The following GPR158 variants were observed in gnomAD, a reference collection of about 807,000 sequenced individuals.
GPR158 encodes metabotropic glycine receptor.
In GPR158, 30 loss-of-function variants were observed where a neutral mutation model predicts 78.2. The ratio of observed to expected loss-of-function variants is 0.38; its 90% confidence interval spans 0.29 to 0.52. The LOEUF (loss-of-function observed/expected upper bound fraction) is 0.52. GPR158 is among the 20% of genes least tolerant of loss of function. GPR158 has a pLI of 0.83. For synonymous variants in GPR158, 581 were observed against 591.1 expected (o/e 0.98, Z 0.25); for missense variants, 1,463 against 1,523.5 (o/e 0.96, Z 0.66).
intron 2 of GPR158, among the ~76,000 whole-genome samples, chr10:25,319,924 A>AGAT (rs1269084910): frequency 1.5e-4 from 22 of 150,750 alleles, no homozygotes; most frequent in Admixed American, 1.0e-3. Context: ...ATTGTGATGG[A>AGAT]GATAGCAAAA....
chr10:25,292,896 A>G (rs1376674883), intron 2 of GPR158, among the ~76,000 whole-genome samples: 1 of 152,212 alleles, frequency 6.6e-6, no homozygotes, highest in East Asian at 1.9e-4. Flanking sequence ...AAGAAAGCAA[A>G]CAATGCTGGA....
chr10:25,379,232 T>C (rs1834123577), intron 2 of GPR158, among the ~76,000 whole-genome samples: 1 of 152,228 alleles, frequency 6.6e-6, no homozygotes, highest in African/African-American at 2.4e-5. Context: ...CATTCCCTCC[T>C]GTATCTTTGG....
chr10:25,596,636 G>A lies in GPR158; in HGVS notation c.1999-7G>A. On this transcript the variant is annotated splice_polypyrimidine_tract_variant and splice_region_variant and intron_variant, in intron 9 of 10. Transcript: ENST00000376351. ...AATGTCTACTGCTCATACTGAATTT[G>A]TTTCAGTTTTCACATTCAAGCAATA... 3 of 1,609,230 alleles carry A rather than the reference G, an allele frequency of 1.9e-6. No homozygotes were observed. The highest frequency in any genetic ancestry group is 8.5e-7 in the Non-Finnish European group (1 of 1,176,692).
In GPR158 at chr10:25,549,826, A is replaced by G. The variant is rs540102433; in HGVS notation, c.1405-1150A>G. On this transcript the variant is annotated intron_variant, in intron 5 of 10. Coordinates refer to ENST00000376351, the MANE Select transcript of GPR158 (RefSeq NM_020752.3). Reference sequence around the variant, plus strand: ...CTATATTTGTAAAATATCAGCAAGAAAATGTCAGTACCTACCCCATGGCCC... The same window carrying G: ...CTATATTTGTAAAATATCAGCAAGAGAATGTCAGTACCTACCCCATGGCCC... Among the ~76,000 whole-genome samples the G allele has an allele frequency of 2.0e-4, 30 of 152,288 alleles. 2 individuals carry two copies. In the South Asian group the frequency reaches 6.0e-3, roughly 31 times the overall value.
At chr10:25,283,232 T>C (rs938529025) in intron 2 of GPR158, among the ~76,000 whole-genome samples, 3 of 152,048 alleles carry the variant, frequency 2.0e-5, no homozygotes, top group East Asian at 3.8e-4. Flanking sequence ...GAATAGTTTG[T>C]GCCTTTCAAG....
At chr10:25,521,302 G>A (rs1380685001) in intron 5 of GPR158, among the ~76,000 whole-genome samples, 2 of 152,182 alleles carry the variant, frequency 1.3e-5, no homozygotes, top group African/African-American at 4.8e-5. Context: ...ACCTCAGATG[G>A]AAATGCAGAA....
chr10:25,198,165 G>A (rs1289491893), intron 1 of GPR158, among the ~76,000 whole-genome samples: 1 of 152,160 alleles, frequency 6.6e-6, no homozygotes, highest in Non-Finnish European at 1.5e-5. Context: ...GTGGGTAGAG[G>A]ATAGATATTC....
intron 2 of GPR158, among the ~76,000 whole-genome samples, chr10:25,329,140 C>G (rs1855081475): frequency 6.6e-6 from 1 of 151,762 alleles, no homozygotes; most frequent in South Asian, 2.1e-4. Context: ...AATATGCATA[C>G]TAAGATGCAT....
chr10:25,495,238 G>C (rs1835863977), intron 5 of GPR158, among the ~76,000 whole-genome samples: 1 of 148,814 alleles, frequency 6.7e-6, no homozygotes, highest in Non-Finnish European at 1.5e-5. Flanking sequence ...AAAAATTCGT[G>C]GATAACTCCA....
chr10:25,520,730 T>C (rs1411974316), intron 5 of GPR158, among the ~76,000 whole-genome samples: 1 of 152,096 alleles, frequency 6.6e-6, no homozygotes, highest in Non-Finnish European at 1.5e-5. Flanking sequence ...AGTCTGCCCG[T>C]TCTCAGATCT....
chr10:25,411,004 CAGTT>C (rs796785878), intron 3 of GPR158, among the ~76,000 whole-genome samples: 2 of 152,150 alleles, frequency 1.3e-5, no homozygotes, highest in African/African-American at 4.8e-5. Flanking sequence ...CCAAATTCCT[CAGTT>C]AATCAAAGTT....
chr10:25,592,361 T>C (rs1446094233), intron 8 of GPR158, among the ~76,000 whole-genome samples: 1 of 152,020 alleles, frequency 6.6e-6, no homozygotes, highest in Non-Finnish European at 1.5e-5. Context: ...TTATCCTTTA[T>C]TATTTTTAGT....
intron 2 of GPR158, among the ~76,000 whole-genome samples, chr10:25,272,082 T>C (rs1206942833): frequency 1.3e-5 from 2 of 152,152 alleles, no homozygotes; most frequent in Non-Finnish European, 2.9e-5. Flanking sequence ...GGTTGCTGTC[T>C]GAAATCTAGA....
chr10:25,425,268 C>G (rs7905216), intron 4 of GPR158, among the ~76,000 whole-genome samples: 18,280 of 151,864 alleles, frequency 0.12, 1,144 homozygotes, highest in East Asian at 0.17. Flanking sequence ...CACTGTTTTC[C>G]ATAGTAGTTT....
At chr10:25,475,035 T>G (rs148126057) in intron 5 of GPR158, among the ~76,000 whole-genome samples, 62 of 152,258 alleles carry the variant, frequency 4.1e-4, no homozygotes, top group African/African-American at 1.3e-3. Flanking sequence ...GTAGAAGAAT[T>G]GTAAAGCTTC....
chr10:25,488,308 G>C (rs1189538750), intron 5 of GPR158, among the ~76,000 whole-genome samples: 1 of 152,110 alleles, frequency 6.6e-6, no homozygotes, highest in Non-Finnish European at 1.5e-5. Context: ...AGCTTCAAGG[G>C]AGGCCAGGAA....
intron 5 of GPR158, among the ~76,000 whole-genome samples, chr10:25,537,400 C>T (rs1023929371): frequency 6.6e-6 from 1 of 152,052 alleles, no homozygotes; most frequent in Non-Finnish European, 1.5e-5. Context: ...TACTAAGCAC[C>T]TGTAACAGAT....
At chr10:25,342,213 C>G (rs1202978534) in intron 2 of GPR158, among the ~76,000 whole-genome samples, 1 of 151,226 alleles carries the variant, frequency 6.6e-6, no homozygotes, top group South Asian at 2.1e-4. Context: ...TGTGCTATAT[C>G]TGGCTCTTTA....
intron 5 of GPR158, among the ~76,000 whole-genome samples, chr10:25,486,455 G>A (rs1835737100): frequency 6.6e-6 from 1 of 152,104 alleles, no homozygotes; most frequent in African/African-American, 2.4e-5. Flanking sequence ...CATCATGGGA[G>A]ACTACATGAT....
Sources: gnomAD v4.1 joint callset for allele counts (sites outside exome capture counted in the v4.1 genomes callset) on GRCh38, gnomAD v4.1.1 for gene constraint, MANE v1.5 for transcripts, NCBI Gene and HGNC (gene_info 2026-07-23, HGNC 2026-07-21) for gene names.